The following PLCZ1 variants were observed in gnomAD, a reference collection of about 807,000 sequenced individuals.
PLCZ1 encodes 1-phosphatidylinositol 4,5-bisphosphate phosphodiesterase zeta-1.
Under a neutral mutation model 76.8 loss-of-function variants are expected in PLCZ1, and 64 were observed. The observed-to-expected ratio is 0.83, with a 90% CI of 0.68 to 1.03. The LOEUF is 1.03. Among genes scored for constraint, PLCZ1 ranks in the 50% least tolerant of loss-of-function variants. The pLI, the probability that PLCZ1 is intolerant of heterozygous loss-of-function variation, is 0.00. For missense variants in PLCZ1, 751 were observed against 713.7 expected (o/e 1.05, Z -0.60); for synonymous variants, 248 against 230.8 (o/e 1.07, Z -0.68).
At chr12:18,647,924 AT>A in the PLCZ1 span, 1 of 1,597,764 alleles carries the variant, frequency 6.3e-7, no homozygotes, top group Non-Finnish European at 8.5e-7. Flanking sequence ...CTTAATGCTT[AT>A]TGTGAAGAGT....
intron 3 of PLCZ1, among the ~76,000 whole-genome samples, chr12:18,729,307 G>A (rs1006541496): frequency 2.0e-5 from 3 of 151,974 alleles, no homozygotes; most frequent in Admixed American, 6.6e-5. Flanking sequence ...GGTCCAGCAA[G>A]AATGCCACTT....
downstream of PLCZ1, among the ~76,000 whole-genome samples, chr12:18,678,170 G>T (rs1464748572): frequency 1.3e-5 from 2 of 152,060 alleles, no homozygotes; most frequent in Non-Finnish European, 2.9e-5. Context: ...TCCCCACTTA[G>T]GAAGGCTTCT....
intron 9 of PLCZ1, among the ~76,000 whole-genome samples, 185 bp from the exon 10 acceptor site, chr12:18,700,135 A>G (rs1322634074): frequency 6.6e-6 from 1 of 152,168 alleles, no homozygotes; most frequent in African/African-American, 2.4e-5. Context: ...TAATGTTAAG[A>G]TAAGCTAGCT....
chr12:18,727,075 A>G (rs889801244), intron 3 of PLCZ1, among the ~76,000 whole-genome samples: 2 of 152,118 alleles, frequency 1.3e-5, no homozygotes, highest in Admixed American at 6.6e-5. Context: ...GCTGAGCACA[A>G]TGGCTCATGC....
At chr12:18,683,385 G>A (rs1031190990) in intron 14 of PLCZ1, 61 bp from the exon 15 acceptor site, 1 of 1,544,574 alleles carries the variant, frequency 6.5e-7, no homozygotes, top group South Asian at 1.1e-5. Context: ...GTCTCCAATA[G>A]CCTTGCTGAG....
chr12:18,646,790 GATAA>G, the PLCZ1 span, among the ~76,000 whole-genome samples: 2 of 152,020 alleles, frequency 1.3e-5, no homozygotes, highest in African/African-American at 4.8e-5. Context: ...CTCCTTTCAT[GATAA>G]ATAACTAATT....
Position 18,683,321 on chromosome 12 carries a change from TAACCTGCAA to T in PLCZ1, c.1742-6_1744del. On this transcript the variant is annotated splice_acceptor_variant and splice_polypyrimidine_tract_variant and coding_sequence_variant and intron_variant, in exon 15 of 15. Coordinates refer to ENST00000266505, the MANE Select transcript of PLCZ1 (RefSeq NM_033123.4). LOFTEE classifies it high-confidence loss of function. ...TCTGGAAAACAGAGGAATACGACGA[TAACCTGCAA>T]AAGGAATTATATCTAATTAGACCAA... 1 of 1,612,280 alleles carries T rather than the reference TAACCTGCAA, an allele frequency of 6.2e-7. No individual in the cohort carries two copies. Among genetic ancestry groups the T allele is most frequent in the Non-Finnish European group, 8.5e-7 (1 of 1,178,790 alleles).
chr12:18,684,014 A>C, intron 14 of PLCZ1, 116 bp downstream of exon 14: 1 of 1,246,430 alleles, frequency 8.0e-7, no homozygotes, highest in East Asian at 2.5e-5. Flanking sequence ...CAATACATAA[A>C]ATTTCCTTTA....
chr12:18,713,094 T>A (rs190889507), intron 5 of PLCZ1, 108 bp from the exon 6 acceptor site: 4 of 1,409,356 alleles, frequency 2.8e-6, no homozygotes, highest in African/African-American at 1.4e-5. Flanking sequence ...AATGCATAAA[T>A]GAGTCCATAA....
chr12:18,650,293 TTCTCTCTCTCTCTCTCTCTCTC>T, the PLCZ1 span, among the ~76,000 whole-genome samples: 3 of 87,736 alleles, frequency 3.4e-5, no homozygotes, highest in South Asian at 1.1e-3. Flanking sequence ...TAACCCAAAT[TTCTCTCTCTCTCTCTCTCTCTC>T]TCTCTCTCTC....
intron 2 of PLCZ1, chr12:18,736,836 G>T: frequency 2.1e-6 from 1 of 484,072 alleles, no homozygotes; most frequent in Middle Eastern, 3.2e-4. Context: ...TAGTAACCAT[G>T]ACTGATAAAG....
intron 12 of PLCZ1, chr12:18,693,676 T>C: frequency 6.4e-7 from 1 of 1,565,930 alleles, no homozygotes; most frequent in Non-Finnish European, 8.8e-7. Flanking sequence ...CCAATTCTGG[T>C]GGTGAGAGAG....
intron 10 of PLCZ1, among the ~76,000 whole-genome samples, chr12:18,699,338 G>A (rs962631725): frequency 6.6e-5 from 10 of 151,994 alleles, no homozygotes; most frequent in Admixed American, 2.6e-4. Context: ...CTTTATTACC[G>A]CCTTCCTGCC....
intron 9 of PLCZ1, among the ~76,000 whole-genome samples, chr12:18,700,512 C>CAGAAAAAAAAAA (rs1955739243): frequency 1.5e-5 from 1 of 67,896 alleles, no homozygotes; most frequent in Non-Finnish European, 2.5e-5. Context: ...AGCCAACGTA[C>CAGAAAAAAAAAA]AAAAAAAAAA....
chr12:18,708,379 G>T (rs1291339937), intron 6 of PLCZ1, among the ~76,000 whole-genome samples: 2 of 152,094 alleles, frequency 1.3e-5, no homozygotes, highest in African/African-American at 4.8e-5. Context: ...ATATTCCATT[G>T]CATATATCCA....
intron 7 of PLCZ1, among the ~76,000 whole-genome samples, chr12:18,702,072 G>GTA (rs986998392): frequency 5.9e-5 from 9 of 151,828 alleles, no homozygotes; most frequent in South Asian, 2.1e-4. Flanking sequence ...TATGTGAAAA[G>GTA]TATATATATA....
intron 2 of PLCZ1, chr12:18,736,683 C>T (rs1040998198): frequency 6.2e-6 from 8 of 1,290,314 alleles, no homozygotes; most frequent in East Asian, 5.5e-5. Flanking sequence ...ACTTCAAGAT[C>T]GCCTCTCACC....
rs148739116 is a variant in PLCZ1 at position 18,697,875 on chromosome 12, G to C, written c.1175-1609C>G. On this transcript the variant is annotated intron_variant, in intron 10 of 14. Transcript: ENST00000266505. The stretch of plus-strand genomic sequence containing the variant: ...AAGTTAAACCTTTGCAGACATCATT[G>C]ATTATTTACTATAACTTTTGGTGCA... Among the ~76,000 whole-genome samples the C allele has an allele frequency of 5.1e-4, 59 of 115,538 alleles. No homozygotes were observed. In the East Asian group the frequency reaches 0.01, roughly 20 times the overall value. 75.8% of individuals were successfully genotyped at this position (115,538 alleles called of 152,430 possible).
At chr12:18,661,043 T>A in the PLCZ1 span, among the ~76,000 whole-genome samples, 4 of 151,882 alleles carry the variant, frequency 2.6e-5, no homozygotes, top group Non-Finnish European at 1.5e-5. Flanking sequence ...AATTGAAGGG[T>A]ATATATATGA....
Sources: allele counts gnomAD v4.1 joint callset (sites outside exome capture counted in the v4.1 genomes callset), GRCh38; gene constraint gnomAD v4.1.1; transcripts MANE v1.5; gene names NCBI Gene and HGNC (gene_info 2026-07-23, HGNC 2026-07-21).